The following RAF1 variants were observed in gnomAD, a reference collection of about 807,000 sequenced individuals.
RAF1 encodes the protein Raf-1 proto-oncogene, serine/threonine kinase.
In RAF1, 27 loss-of-function variants were observed where a neutral mutation model predicts 81.1. The observed-to-expected ratio is 0.33, with a 90% CI of 0.25 to 0.46. The LOEUF is 0.46. Among genes scored for constraint, RAF1 ranks in the 20% least tolerant of loss-of-function variants. The pLI is 1.00. For missense variants in RAF1, 598 were observed against 826.0 expected, an observed-to-expected ratio of 0.72 and a Z score of 3.38; for synonymous variants, 298 against 294.0, an observed-to-expected ratio of 1.01 and a Z score of -0.14.
In RAF1 at chr3:12,595,300, G is replaced by A. The variant is rs770864923; in HGVS notation, c.1169-3508C>T. Among the ~76,000 whole-genome samples the A allele has an allele frequency of 2.2e-4, 33 of 152,030 alleles. 1 individual carries two copies. The highest frequency in any genetic ancestry group is 3.7e-4 in the Non-Finnish European group (25 of 67,978). On this transcript the variant is annotated intron_variant, in intron 11 of 17. Transcript: ENST00000442415. Reference sequence around the variant, plus strand: ...TTGCCCAGGCTGGTCTCAAATTCCTGACTTCAAGTGATTCTCCCACCTCAG... The same window carrying A: ...TTGCCCAGGCTGGTCTCAAATTCCTAACTTCAAGTGATTCTCCCACCTCAG...
Position 12,618,625 on chromosome 3 carries a change from CTAT to C in RAF1, c.94_96del (p.Ile32del). 1.2e-6 allele frequency: 2 copies of C among 1,614,202 alleles called. No individual in the cohort carries two copies. The highest frequency in any genetic ancestry group is 1.7e-6 in the Non-Finnish European group (2 of 1,180,046). On this transcript the variant is annotated inframe_deletion, in exon 2 of 18. Coordinates refer to ENST00000442415, the MANE Select transcript of RAF1 (RefSeq NM_001354689.3). ...CGGCGCTGATAGCCAAACTGCTGAA[CTAT>C]TGTAGGAGAGATGCAGCTGGAGCCA... is the stretch of plus-strand genomic sequence containing the variant.
chr3:12,619,966 C>G (rs2059504938), intron 1 of RAF1, among the ~76,000 whole-genome samples: 1 of 151,982 alleles, frequency 6.6e-6, no homozygotes, highest in African/African-American at 2.4e-5. Flanking sequence ...CCTGTAGTCC[C>G]AGCTACTCAG....
At chr3:12,653,294 A>G (rs1257599879) in intron 1 of RAF1, among the ~76,000 whole-genome samples, 3 of 151,910 alleles carry the variant, frequency 2.0e-5, no homozygotes, top group Admixed American at 6.6e-5. Context: ...AAGAAAACAA[A>G]CCTGTTGTAC....
intron 1 of RAF1, among the ~76,000 whole-genome samples, chr3:12,660,206 T>C (rs2060831488): frequency 6.6e-6 from 1 of 152,142 alleles, no homozygotes; most frequent in Non-Finnish European, 1.5e-5. Flanking sequence ...TTTTAGATAC[T>C]TTTTGTCAGA....
At chr3:12,624,941 G>C (rs1404511275) in intron 1 of RAF1, among the ~76,000 whole-genome samples, 1 of 142,234 alleles carries the variant, frequency 7.0e-6, no homozygotes, top group Non-Finnish European at 1.5e-5. Context: ...ATTAGTAAAA[G>C]ATGAACAATG....
At chr3:12,610,434 C>A (rs1299486108) in intron 3 of RAF1, among the ~76,000 whole-genome samples, 2 of 152,174 alleles carry the variant, frequency 1.3e-5, no homozygotes, top group Non-Finnish European at 2.9e-5. Flanking sequence ...ATCCTAGTGA[C>A]AATCTGCTGT....
At chr3:12,616,801 G>C (rs1408098542) in intron 2 of RAF1, among the ~76,000 whole-genome samples, 1 of 152,196 alleles carries the variant, frequency 6.6e-6, no homozygotes, top group African/African-American at 2.4e-5. Flanking sequence ...GGATGGGAAA[G>C]GAAGAGGCAT....
chr3:12,585,922 G>A, intron 14 of RAF1, 123 bp from the exon 14 acceptor site: 1 of 777,932 alleles, frequency 1.3e-6, no homozygotes, highest in Non-Finnish European at 2.3e-6. Flanking sequence ...TCTCTGCACT[G>A]AACTTCCTAA....
chr3:12,591,625 G>A, intron 12 of RAF1, 83 bp downstream of exon 11: 3 of 1,273,786 alleles, frequency 2.4e-6, no homozygotes, highest in Non-Finnish European at 3.4e-6. Flanking sequence ...GTCCCAACCT[G>A]CGGCACAGTC....
chr3:12,599,945 T>C (rs1483325299), intron 10 of RAF1, 137 bp from the exon 10 acceptor site: 1 of 1,216,410 alleles, frequency 8.2e-7, no homozygotes, highest in Non-Finnish European at 1.2e-6. Context: ...CTTCCAATTT[T>C]TGTCTTTTGA....
intron 1 of RAF1, among the ~76,000 whole-genome samples, chr3:12,645,234 T>G (rs1173232953): frequency 1.3e-5 from 2 of 152,142 alleles, no homozygotes; most frequent in Non-Finnish European, 2.9e-5. Context: ...ATGCTTTTTG[T>G]GTAGTTCCGA....
chr3:12,642,894 A>G (rs1444481994), intron 1 of RAF1, among the ~76,000 whole-genome samples: 6 of 152,000 alleles, frequency 3.9e-5, no homozygotes, highest in Non-Finnish European at 8.8e-5. Flanking sequence ...CTCAGAAAAA[A>G]AAAAAAGAAA....
rs138631825 is a variant in RAF1 at position 12,631,554 on chromosome 3, G to A, written c.-26-12807C>T. On this transcript the variant is annotated intron_variant, in intron 1 of 17. Coordinates refer to ENST00000442415, the MANE Select transcript of RAF1 (RefSeq NM_001354689.3). ...GCGGAGCTTGCAGTGAGCCGAGATC[G>A]CGCCACTGCACTCCAGCCTAGGCGA... 7.6e-3 allele frequency among the ~76,000 whole-genome samples: 1,157 copies of A among 152,306 alleles called. 11 individuals carry two copies. Among genetic ancestry groups the A allele is most frequent in the African/African-American group, 0.027 (1,112 of 41,558 alleles).
chr3:12,635,266 C>T (rs1207403918), intron 1 of RAF1, among the ~76,000 whole-genome samples: 2 of 127,090 alleles, frequency 1.6e-5, no homozygotes, highest in South Asian at 2.7e-4. Flanking sequence ...TTGCAGTAAA[C>T]CGGGATCTTG....
chr3:12,660,003 T>C (rs1005576141), intron 1 of RAF1, among the ~76,000 whole-genome samples: 3 of 152,192 alleles, frequency 2.0e-5, no homozygotes, highest in African/African-American at 7.2e-5. Flanking sequence ...CCTGAAATAG[T>C]AGTTTAAAGT....
intron 1 of RAF1, among the ~76,000 whole-genome samples, chr3:12,652,814 T>C (rs1275674728): frequency 1.3e-5 from 2 of 151,264 alleles, no homozygotes; most frequent in Non-Finnish European, 2.9e-5. Context: ...CCAGGTGTTA[T>C]ACAGCTACTC....
intron 1 of RAF1, among the ~76,000 whole-genome samples, chr3:12,656,009 A>G (rs2060678902): frequency 6.6e-6 from 1 of 151,170 alleles, no homozygotes; most frequent in Non-Finnish European, 1.5e-5. Flanking sequence ...GATGGTTTTA[A>G]GACATTGTGA....
intron 1 of RAF1, among the ~76,000 whole-genome samples, chr3:12,628,273 C>G (rs1451371877): frequency 6.6e-6 from 1 of 152,170 alleles, no homozygotes; most frequent in African/African-American, 2.4e-5. Context: ...CCAGCCTGGG[C>G]TAATCCCTGC....
chr3:12,597,145 A>G (rs1265447578), intron 11 of RAF1, among the ~76,000 whole-genome samples: 1 of 151,668 alleles, frequency 6.6e-6, no homozygotes, highest in Non-Finnish European at 1.5e-5. Context: ...TGATCCACCC[A>G]CCTCGGCCTC....
Sources: gnomAD v4.1 joint callset for allele counts (sites outside exome capture counted in the v4.1 genomes callset) on GRCh38, gnomAD v4.1.1 for gene constraint, MANE v1.5 for transcripts, NCBI Gene and HGNC (gene_info 2026-07-23, HGNC 2026-07-21) for gene names.